KAZN: variants seen among roughly 807,000 people sequenced by gnomAD.
The protein encoded by KAZN is kazrin.
Under a neutral mutation model 87.4 loss-of-function variants are expected in KAZN, and 40 were observed. That is an observed-to-expected ratio of 0.46 (90% CI 0.36 to 0.60). The LOEUF (loss-of-function observed/expected upper bound fraction) is 0.60. Among genes scored for constraint, KAZN ranks in the 20% least tolerant of loss-of-function variants. The probability of loss-of-function intolerance (pLI) is 0.00; values close to 1 mark genes in which losing one functional copy is unlikely to be tolerated. For missense variants in KAZN, 898 were observed against 1,073.9 expected (o/e 0.84, Z 2.29); for synonymous variants, 466 against 458.3 (o/e 1.02, Z -0.22).
intron 2 of KAZN, among the ~76,000 whole-genome samples, chr1:14,435,818 G>C (rs1347080150): frequency 1.3e-5 from 2 of 151,694 alleles, no homozygotes; most frequent in African/African-American, 4.8e-5. Context: ...TGGTGACAGG[G>C]CCTAATGATA....
At chr1:14,305,194 C>T (rs911256104) in intron 2 of KAZN, among the ~76,000 whole-genome samples, 3 of 152,150 alleles carry the variant, frequency 2.0e-5, no homozygotes, top group Non-Finnish European at 4.4e-5. Flanking sequence ...GCCATCGTCT[C>T]TCCCACCTTG....
intron 2 of KAZN, among the ~76,000 whole-genome samples, chr1:14,479,157 C>T (rs529715783): frequency 6.6e-6 from 1 of 152,274 alleles, no homozygotes; most frequent in East Asian, 1.9e-4. Context: ...TGTGTGAGGG[C>T]AGGCCAAGTG....
chr1:14,433,064 C>T (rs1666171851), intron 2 of KAZN, among the ~76,000 whole-genome samples: 1 of 152,088 alleles, frequency 6.6e-6, no homozygotes, highest in Non-Finnish European at 1.5e-5. Context: ...TAACACTCCT[C>T]CCAAAGCTCT....
At chr1:14,169,965 T>C (rs1056237626) in intron 1 of KAZN, among the ~76,000 whole-genome samples, 1 of 152,154 alleles carries the variant, frequency 6.6e-6, no homozygotes, top group African/African-American at 2.4e-5. Context: ...CCACATCTCT[T>C]AAAGAGGCGC....
intron 1 of KAZN, among the ~76,000 whole-genome samples, chr1:14,781,906 A>G (rs1459732641): frequency 6.6e-6 from 1 of 152,184 alleles, no homozygotes; most frequent in Non-Finnish European, 1.5e-5. Context: ...TCATATACGG[A>G]CTGAATTCCA....
At chr1:14,888,584 AGCTT>A (rs1208261414) in intron 1 of KAZN, among the ~76,000 whole-genome samples, 3 of 151,886 alleles carry the variant, frequency 2.0e-5, no homozygotes, top group Non-Finnish European at 2.9e-5. Flanking sequence ...ACGCAAATAT[AGCTT>A]TTTGCGTGAA....
chr1:14,800,612 G>C (rs1039672914), intron 1 of KAZN, among the ~76,000 whole-genome samples: 11 of 152,168 alleles, frequency 7.2e-5, no homozygotes, highest in Non-Finnish European at 1.3e-4. Flanking sequence ...GCTAAGGTGG[G>C]AGGATCGCTT....
intron 13 of KAZN, among the ~76,000 whole-genome samples, chr1:15,109,856 C>T (rs114724399): frequency 0.041 from 5,691 of 138,824 alleles, 146 homozygotes; most frequent in Middle Eastern, 0.067. Flanking sequence ...TGTTTATGTG[C>T]GTGTATATAT....
chr1:14,651,904 A>G (rs981184067), intron 1 of KAZN, among the ~76,000 whole-genome samples: 5 of 152,246 alleles, frequency 3.3e-5, no homozygotes, highest in African/African-American at 1.2e-4. Flanking sequence ...AGTTCGAATG[A>G]TACCCATGAT....
intron 2 of KAZN, among the ~76,000 whole-genome samples, chr1:14,419,568 G>A (rs1057149919): frequency 6.6e-6 from 1 of 152,234 alleles, no homozygotes; most frequent in African/African-American, 2.4e-5. Context: ...CTGACTTCAA[G>A]AACGAAGCCG....
At chr1:14,386,268 A>G (rs942712136) in intron 2 of KAZN, among the ~76,000 whole-genome samples, 38 of 146,666 alleles carry the variant, frequency 2.6e-4, no homozygotes, top group African/African-American at 9.0e-4. Flanking sequence ...TCTTTATCCA[A>G]TTTGCCAGTC....
At chr1:13,920,164 C>T (rs1254944870) in intron 1 of KAZN, among the ~76,000 whole-genome samples, 1 of 146,702 alleles carries the variant, frequency 6.8e-6, no homozygotes, top group African/African-American at 2.6e-5. Flanking sequence ...ACAGAAGAAT[C>T]ACTTGAACCA....
intron 1 of KAZN, among the ~76,000 whole-genome samples, chr1:14,121,437 C>T (rs1644750188): frequency 6.6e-6 from 1 of 152,066 alleles, no homozygotes; most frequent in African/African-American, 2.4e-5. Flanking sequence ...GAAAATCAGG[C>T]ACAGAGAAAT....
At chr1:14,535,170 C>T (rs1422631148) in intron 2 of KAZN, among the ~76,000 whole-genome samples, 1 of 152,156 alleles carries the variant, frequency 6.6e-6, no homozygotes, top group Non-Finnish European at 1.5e-5. Flanking sequence ...CTAGAACTGA[C>T]CTCTTCAGTA....
intron 1 of KAZN, among the ~76,000 whole-genome samples, chr1:14,959,383 G>A (rs1421058825): frequency 2.6e-5 from 4 of 152,208 alleles, no homozygotes; most frequent in African/African-American, 9.6e-5. Context: ...TGGAAAGAGT[G>A]TGGCATATTG....
upstream of KAZN, among the ~76,000 whole-genome samples, chr1:14,594,774 G>A (rs1340412190): frequency 6.6e-6 from 1 of 152,176 alleles, no homozygotes; most frequent in Non-Finnish European, 1.5e-5. Flanking sequence ...GGACACCGGC[G>A]GTAAACGCCT....
chr1:14,419,067 A>T (rs1213960238), intron 2 of KAZN, among the ~76,000 whole-genome samples: 1 of 152,184 alleles, frequency 6.6e-6, no homozygotes, highest in South Asian at 2.1e-4. Flanking sequence ...TTTTATTCCT[A>T]TGTGAGCCGT....
intron 1 of KAZN, among the ~76,000 whole-genome samples, chr1:14,011,093 C>T (rs1557780430): frequency 6.6e-6 from 1 of 151,466 alleles, no homozygotes; most frequent in Non-Finnish European, 1.5e-5. Flanking sequence ...TCTTGGGAGC[C>T]CCCAGACCAA....
intron 1 of KAZN, among the ~76,000 whole-genome samples, chr1:14,140,854 A>C (rs534744432): frequency 1.3e-5 from 2 of 152,266 alleles, no homozygotes; most frequent in East Asian, 1.9e-4. Context: ...AGATGCCCTC[A>C]TTCTCTGGGA....
Sources: gnomAD v4.1 joint callset for allele counts (sites outside exome capture counted in the v4.1 genomes callset) on GRCh38, gnomAD v4.1.1 for gene constraint, MANE v1.5 for transcripts, NCBI Gene and HGNC (gene_info 2026-07-23, HGNC 2026-07-21) for gene names.